Variants in SGCD observed in about 807,000 individuals in gnomAD.
The protein encoded by SGCD is delta-sarcoglycan.
In SGCD, 18 loss-of-function variants were observed where a neutral mutation model predicts 36.6. That is an observed-to-expected ratio of 0.49 (90% CI 0.34 to 0.73). The LOEUF (loss-of-function observed/expected upper bound fraction) is 0.73, where lower values mean the gene tolerates loss of function less well. SGCD is among the 30% of genes least tolerant of loss of function. The pLI, the probability that SGCD is intolerant of heterozygous loss-of-function variation, is 0.01. For missense variants in SGCD, 387 were observed against 346.7 expected (o/e 1.12, Z -0.92); for synonymous variants, 133 against 130.6 (o/e 1.02, Z -0.12).
In SGCD at chr5:156,594,559, G is replaced by A. The variant is rs994952723; in HGVS notation, c.383-373G>A. Among the ~76,000 whole-genome samples, 18 of 152,100 alleles carry A rather than the reference G, an allele frequency of 1.2e-4. No individual in the cohort carries two copies. In the South Asian group the frequency reaches 1.7e-3, roughly 14 times the overall value. ...AGGGCCAAAGATATGTGATTGTCTC[G>A]AGAAGTGTTGAGCCTCTGGTGCCTT... On this transcript the variant is annotated intron_variant, in intron 5 of 8. Coordinates refer to ENST00000337851, the MANE Select transcript of SGCD (RefSeq NM_000337.6).
At chr5:156,745,826 A>G (rs1756916496) in intron 7 of SGCD, among the ~76,000 whole-genome samples, 2 of 152,152 alleles carry the variant, frequency 1.3e-5, no homozygotes, top group South Asian at 4.1e-4. Flanking sequence ...AGAAAAATAA[A>G]TCAATATGAA....
At chr5:156,340,864 A>G (rs994068402) in intron 2 of SGCD, among the ~76,000 whole-genome samples, 2 of 152,252 alleles carry the variant, frequency 1.3e-5, no homozygotes, top group Non-Finnish European at 1.5e-5. Flanking sequence ...ATTTTTGATT[A>G]GAAAAATGAA....
intron 1 of SGCD, among the ~76,000 whole-genome samples, chr5:155,946,067 C>G (rs183506815): frequency 6.6e-6 from 1 of 152,210 alleles, no homozygotes; most frequent in East Asian, 1.9e-4. Context: ...TGGAAGGTGT[C>G]AAGCGTGACT....
chr5:156,346,601 A>T (rs1375549996), intron 3 of SGCD, among the ~76,000 whole-genome samples: 2 of 152,092 alleles, frequency 1.3e-5, no homozygotes, highest in Non-Finnish European at 2.9e-5. Context: ...CATCCAGCTA[A>T]GAGTTCAGTT....
intron 1 of SGCD, among the ~76,000 whole-genome samples, chr5:156,014,149 T>C (rs917659911): frequency 1.3e-5 from 2 of 152,170 alleles, no homozygotes; most frequent in African/African-American, 4.8e-5. Context: ...TCATCAATCC[T>C]TGGAGTAGTA....
chr5:156,283,773 C>T (rs922756582), intron 3 of SGCD, among the ~76,000 whole-genome samples: 1 of 152,104 alleles, frequency 6.6e-6, no homozygotes, highest in African/African-American at 2.4e-5. Context: ...GAATTTTTAA[C>T]CAATTCTCAA....
chr5:156,733,878 C>T (rs1410135522), intron 7 of SGCD, among the ~76,000 whole-genome samples: 2 of 152,098 alleles, frequency 1.3e-5, no homozygotes, highest in Non-Finnish European at 2.9e-5. Flanking sequence ...CTATGTGTGT[C>T]ACTACATGTG....
chr5:156,125,901 G>A (rs1581114647), intron 3 of SGCD, among the ~76,000 whole-genome samples: 2 of 147,554 alleles, frequency 1.4e-5, no homozygotes, highest in East Asian at 4.0e-4. Context: ...TTTTGGAGAT[G>A]GAGTCTCACT....
chr5:156,558,076 T>C (rs906402882), intron 4 of SGCD, among the ~76,000 whole-genome samples: 2 of 123,660 alleles, frequency 1.6e-5, no homozygotes. Context: ...GAGTGTGTTA[T>C]TAGTAAATAC....
chr5:156,732,162 G>T (rs1438393291), intron 7 of SGCD, among the ~76,000 whole-genome samples: 11 of 152,036 alleles, frequency 7.2e-5, no homozygotes, highest in Admixed American at 5.9e-4. Flanking sequence ...ACCCAGGTGA[G>T]AACTTCCAAT....
chr5:155,844,421 T>TTGTGTGTGTGTGTGTGTGTGTGTG, the SGCD span, among the ~76,000 whole-genome samples: 34 of 144,576 alleles, frequency 2.4e-4, no homozygotes, highest in African/African-American at 7.0e-4. Flanking sequence ...TGCTAAGGCT[T>TTGTGTGTGTGTGTGTGTGTGTGTG]TGTGTGTGTG....
intron 1 of SGCD, among the ~76,000 whole-genome samples, chr5:156,058,641 G>C (rs761771722): frequency 6.8e-5 from 10 of 146,536 alleles, no homozygotes; most frequent in Non-Finnish European, 1.1e-4. Context: ...TTAGGAGACA[G>C]TTGGAAATAT....
intron 3 of SGCD, among the ~76,000 whole-genome samples, chr5:156,125,696 G>A (rs1442567640): frequency 6.6e-6 from 1 of 151,376 alleles, no homozygotes; most frequent in Non-Finnish European, 1.5e-5. Context: ...TCATTAACAT[G>A]GTTTCAAGGA....
chr5:155,770,129 C>A, the SGCD span, among the ~76,000 whole-genome samples: 1 of 151,816 alleles, frequency 6.6e-6, no homozygotes, highest in African/African-American at 2.4e-5. Flanking sequence ...GCTGAAGATA[C>A]AACAGACCAC....
In SGCD at chr5:156,136,842, A is replaced by G. The variant is rs1762471888; in HGVS notation, c.-44+12823A>G. On this transcript the variant is annotated intron_variant, in intron 3 of 9. Coordinates refer to the SGCD transcript ENST00000517913. ...AATGGTTAAACCCCAAGTGGCAAAA[A>G]GAATGGGAGGGGAATAAACAGTAGA... Among the ~76,000 whole-genome samples, 4 of 152,262 alleles carry G rather than the reference A, an allele frequency of 2.6e-5. No individual in the cohort carries two copies. In the South Asian group the frequency reaches 8.3e-4, roughly 32 times the overall value.
At chr5:156,157,851 G>A (rs1351619471) in intron 3 of SGCD, among the ~76,000 whole-genome samples, 1 of 151,658 alleles carries the variant, frequency 6.6e-6, no homozygotes, top group Non-Finnish European at 1.5e-5. Flanking sequence ...GAGTATTTCA[G>A]TTTTGTGATT....
chr5:156,211,030 A>C (rs948484906), intron 3 of SGCD, among the ~76,000 whole-genome samples: 12 of 152,172 alleles, frequency 7.9e-5, no homozygotes, highest in Admixed American at 7.2e-4. Context: ...ATCAAAGACA[A>C]AGAGATTATC....
intron 1 of SGCD, among the ~76,000 whole-genome samples, chr5:155,887,347 T>A (rs1756028664): frequency 6.6e-6 from 1 of 152,226 alleles, no homozygotes; most frequent in Non-Finnish European, 1.5e-5. Flanking sequence ...AAAAATGACT[T>A]AAGAACATGC....
intron 3 of SGCD, among the ~76,000 whole-genome samples, chr5:156,504,569 A>G (rs962042416): frequency 3.9e-5 from 6 of 152,086 alleles, no homozygotes; most frequent in Middle Eastern, 3.4e-3. Flanking sequence ...CATATTCCCT[A>G]TAGTGTGTTC....
Sources: gnomAD v4.1 joint callset for allele counts (sites outside exome capture counted in the v4.1 genomes callset) on GRCh38, gnomAD v4.1.1 for gene constraint, MANE v1.5 for transcripts, NCBI Gene and HGNC (gene_info 2026-07-23, HGNC 2026-07-21) for gene names.